The following LMF1 variants were observed in gnomAD, a reference collection of about 807,000 sequenced individuals.
LMF1 encodes transmembrane protein 112.
Under a neutral mutation model 60.6 loss-of-function variants are expected in LMF1, and 68 were observed. That is an observed-to-expected ratio of 1.12 (90% CI 0.92 to 1.37). LMF1 has a LOEUF of 1.37. Among genes scored for constraint, LMF1 ranks in the 40% most tolerant of loss-of-function variants. The pLI, the probability that LMF1 is intolerant of heterozygous loss-of-function variation, is 0.00. For missense variants in LMF1, 948 were observed against 767.2 expected (o/e 1.24, Z -2.78); for synonymous variants, 418 against 324.7 (o/e 1.29, Z -3.09).
At chr16:975,014 C>G (rs2073108557), upstream of LMF1, among the ~76,000 whole-genome samples, 2 of 151,558 alleles carry the variant, frequency 1.3e-5, no homozygotes, top group African/African-American at 4.8e-5. Flanking sequence ...GTCCAGCGGC[C>G]AACCCCCCCA....
intron 10 of LMF1, among the ~76,000 whole-genome samples, chr16:857,369 G>A (rs1409575871): frequency 6.6e-6 from 1 of 152,240 alleles, no homozygotes; most frequent in Non-Finnish European, 1.5e-5. Flanking sequence ...CGATTTCTTG[G>A]TATCTTTGCC....
At chr16:927,353 G>A (rs567825008) in intron 3 of LMF1, among the ~76,000 whole-genome samples, 15 of 152,330 alleles carry the variant, frequency 9.8e-5, no homozygotes, top group African/African-American at 3.6e-4. Flanking sequence ...GAAGGGCTCT[G>A]CCTCCCGGTT....
chr16:894,343 G>T (rs1283376389), intron 4 of LMF1, among the ~76,000 whole-genome samples: 6 of 29,616 alleles, frequency 2.0e-4, no homozygotes, highest in African/African-American at 5.8e-4. Context: ...CCTGTCCACC[G>T]GACCGTCCGC....
intron 1 of LMF1, among the ~76,000 whole-genome samples, chr16:977,890 C>T (rs2073197543): frequency 6.7e-6 from 1 of 149,506 alleles, no homozygotes; most frequent in East Asian, 2.0e-4. Flanking sequence ...TGCACACATA[C>T]ACCACACACT....
intron 5 of LMF1, among the ~76,000 whole-genome samples, chr16:890,674 C>T (rs2070455737): frequency 6.6e-6 from 1 of 152,222 alleles, no homozygotes; most frequent in African/African-American, 2.4e-5. Flanking sequence ...GCCATGTGGG[C>T]ACAGGACCCC....
intron 2 of LMF1, among the ~76,000 whole-genome samples, chr16:938,790 G>A (rs1473250949): frequency 6.6e-6 from 1 of 152,202 alleles, no homozygotes; most frequent in Non-Finnish European, 1.5e-5. Flanking sequence ...ACCGACCTCA[G>A]AGTACATAGT....
chr16:954,303 T>A, intron 2 of LMF1, 54 bp downstream of exon 2: 1 of 1,527,650 alleles, frequency 6.5e-7, no homozygotes, highest in South Asian at 1.2e-5. Context: ...CTGCAGTGCC[T>A]GTGCTGAGTG....
chr16:979,164 C>T, intron 1 of LMF1: 5 of 441,394 alleles, frequency 1.1e-5, no homozygotes, highest in South Asian at 3.1e-5. Flanking sequence ...GCCATCCCGA[C>T]ACCTCCCTCT....
chr16:912,918 C>T (rs1469303953), intron 3 of LMF1, among the ~76,000 whole-genome samples: 4 of 152,248 alleles, frequency 2.6e-5, no homozygotes, highest in Admixed American at 6.5e-5. Context: ...GCGGCCTCAG[C>T]GCCAAGGTCA....
intron 6 of LMF1, chr16:872,346 G>A (rs1427612951): frequency 6.6e-6 from 1 of 152,198 alleles, no homozygotes. Context: ...TCTAATGAAG[G>A]GACTCGTGAG....
At chr16:969,616 A>G (rs1376832657) in intron 1 of LMF1, among the ~76,000 whole-genome samples, 1 of 152,228 alleles carries the variant, frequency 6.6e-6, no homozygotes, top group Non-Finnish European at 1.5e-5. Context: ...CAGACGATGG[A>G]AGGAAAGGGA....
intron 1 of LMF1, chr16:978,886 C>G (rs902311918): frequency 1.7e-4 from 74 of 431,026 alleles, no homozygotes; most frequent in African/African-American, 1.0e-3. Context: ...ACACTCTGCT[C>G]TAGCTTCCCC....
At chr16:919,802 G>A (rs1056795208) in intron 3 of LMF1, among the ~76,000 whole-genome samples, 5 of 152,032 alleles carry the variant, frequency 3.3e-5, no homozygotes, top group African/African-American at 1.2e-4. Context: ...GCCTCACGGA[G>A]ACCCACAGAC....
intron 3 of LMF1, among the ~76,000 whole-genome samples, chr16:917,583 C>T (rs2071317368): frequency 6.6e-6 from 1 of 152,206 alleles, no homozygotes; most frequent in African/African-American, 2.4e-5. Context: ...GGGCAGGTGC[C>T]GTTCTAGGGG....
At chr16:920,255 C>A (rs1450688668) in intron 3 of LMF1, among the ~76,000 whole-genome samples, 2 of 152,238 alleles carry the variant, frequency 1.3e-5, no homozygotes, top group Admixed American at 6.5e-5. Flanking sequence ...GCCCGTCAGC[C>A]CCCACAGCAC....
At chr16:933,164 G>A (rs906946503) in intron 3 of LMF1, 1 of 152,212 alleles carries the variant, frequency 6.6e-6, no homozygotes, top group Non-Finnish European at 1.5e-5. Context: ...GGTGCACCCC[G>A]AGCCAGGTGG....
At chr16:931,051 G>A (rs1024449541) in intron 3 of LMF1, among the ~76,000 whole-genome samples, 26 of 151,972 alleles carry the variant, frequency 1.7e-4, no homozygotes, top group African/African-American at 6.0e-4. Flanking sequence ...AACCCAGGAG[G>A]TGGAGCTTGC....
chr16:866,379 C>T (rs1309266333), intron 10 of LMF1, among the ~76,000 whole-genome samples: 1 of 152,154 alleles, frequency 6.6e-6, no homozygotes, highest in East Asian at 1.9e-4. Context: ...ACTAGGCCTC[C>T]ATGACACTAT....
chr16:898,966 C>T (rs760560), intron 4 of LMF1: 43,684 of 152,110 alleles, frequency 0.29, 6,411 homozygotes, highest in East Asian at 0.32. Flanking sequence ...ACCGGGAGAT[C>T]GCTTGAGCTG....
Sources: gnomAD v4.1 joint callset for allele counts (sites outside exome capture counted in the v4.1 genomes callset) on GRCh38, gnomAD v4.1.1 for gene constraint, MANE v1.5 for transcripts, NCBI Gene and HGNC (gene_info 2026-07-23, HGNC 2026-07-21) for gene names.